Variants in PRL observed in about 807,000 individuals in gnomAD.
The protein encoded by PRL is decidual prolactin.
Under a neutral mutation model 21.3 loss-of-function variants are expected in PRL, and 24 were observed. The observed-to-expected ratio is 1.13, with a 90% CI of 0.82 to 1.59. PRL has a LOEUF of 1.59. Among genes scored for constraint, PRL ranks in the 40% most tolerant of loss-of-function variants. The probability of loss-of-function intolerance (pLI) is 0.00; values close to 1 mark genes in which losing one functional copy is unlikely to be tolerated. For synonymous variants in PRL, 118 were observed against 115.7 expected (o/e 1.02, Z -0.13); for missense variants, 243 against 286.9 (o/e 0.85, Z 1.10).
chr6:22,287,300 G>T lies in PRL; in HGVS notation c.*102C>A, dbSNP rs1581381889. ...GTTTTTATTTTTTAAGAGGAGACCT[G>T]TTACACCCAAGCATGGATTCAAAAG... is the stretch of plus-strand genomic sequence containing the variant. On this transcript the variant is annotated 3_prime_UTR_variant, in exon 5 of 5. Transcript: ENST00000306482. 1 of 1,216,924 alleles carries T rather than the reference G, an allele frequency of 8.2e-7. No individual in the cohort carries two copies. Among genetic ancestry groups the T allele is most frequent in the Non-Finnish European group, 1.1e-6 (1 of 901,700 alleles). 75.4% of individuals were successfully genotyped at this position (1,216,924 alleles called of 1,614,324 possible).
rs140653502 is a variant in PRL, at chr6:22,288,872, G to GTA, written c.493-1281_493-1280dup. The stretch of plus-strand genomic sequence containing the variant: ...ATTGGAATTTAAAGTGTGTGTGTGT[G>GTA]TATGCGCGTGCGCGTGTGTGTGCGT... On this transcript the variant is annotated intron_variant, in intron 4 of 4. Coordinates refer to ENST00000306482, the MANE Select transcript of PRL (RefSeq NM_000948.6). The surrounding 1 kb of genome is among the most constrained non-coding windows in gnomAD (Gnocchi z 4.5). 5.0e-3 allele frequency among the ~76,000 whole-genome samples: 759 copies of GTA among 152,112 alleles called. 6 individuals carry two copies. The highest frequency in any genetic ancestry group is 0.017 in the African/African-American group (724 of 41,482).
intron 3 of PRL, among the ~76,000 whole-genome samples, chr6:22,290,720 T>C (rs911469086): frequency 3.3e-5 from 5 of 152,314 alleles, no homozygotes; most frequent in Middle Eastern, 3.4e-3. Context: ...CGAAACTCAG[T>C]AGGTGCCCAG....
chr6:22,287,708 G>T, intron 4 of PRL, 115 bp from the exon 5 acceptor site: 1 of 961,168 alleles, frequency 1.0e-6, no homozygotes, highest in East Asian at 2.7e-5. Context: ...CAAAGTTTTA[G>T]ACAAAGGCAA....
chr6:22,289,352 G>T (rs1760999041), intron 4 of PRL, among the ~76,000 whole-genome samples: 1 of 151,982 alleles, frequency 6.6e-6, no homozygotes, highest in Non-Finnish European at 1.5e-5. Flanking sequence ...TCTTTAGATG[G>T]TACATTATCC....
rs1343321202 is a variant in PRL, at chr6:22,288,321, G to A, written c.493-728C>T. On this transcript the variant is annotated intron_variant, in intron 4 of 4. Coordinates refer to ENST00000306482, the MANE Select transcript of PRL (RefSeq NM_000948.6). The surrounding 1 kb of genome is among the most constrained non-coding windows in gnomAD (Gnocchi z 4.5). ...GGCAGAGGCAGGTGGATCACTTGAG[G>A]TCAGGAGTTCAAGACCAGCCTGGCC... Among the ~76,000 whole-genome samples the A allele has an allele frequency of 6.6e-6, 1 of 152,024 alleles. No homozygotes were observed. The highest frequency in any genetic ancestry group is 1.5e-5 in the Non-Finnish European group (1 of 68,026).
upstream of PRL, among the ~76,000 whole-genome samples, chr6:22,299,878 T>A (rs1047085481): frequency 2.0e-5 from 3 of 151,948 alleles, no homozygotes; most frequent in African/African-American, 7.3e-5. Context: ...ACCTAGGAGG[T>A]GTCTACTGCA....
chr6:22,302,777 G>T (rs1440126603), exon 1 of PRL, among the ~76,000 whole-genome samples: 1 of 152,042 alleles, frequency 6.6e-6, no homozygotes, highest in African/African-American at 2.4e-5. Flanking sequence ...TGTATGTTCC[G>T]ATTCTTCTTG....
chr6:22,301,809 A>AT (rs984823280), upstream of PRL, among the ~76,000 whole-genome samples: 4 of 152,042 alleles, frequency 2.6e-5, no homozygotes, highest in African/African-American at 9.7e-5. Flanking sequence ...CAAAGGGATG[A>AT]TTTTTTTAGG....
upstream of PRL, among the ~76,000 whole-genome samples, chr6:22,302,270 A>T (rs1005000755): frequency 7.2e-5 from 11 of 152,152 alleles, no homozygotes; most frequent in East Asian, 2.1e-3. Flanking sequence ...GAAAATACAC[A>T]TACGCACACA....
chr6:22,297,238 T>A (rs754662087), upstream of PRL: 16 of 515,838 alleles, frequency 3.1e-5, no homozygotes, highest in East Asian at 2.2e-4. Flanking sequence ...CTAGGAAGGA[T>A]TTTGATTAAT....
At position 22,296,975 on chromosome 6, in the gene PRL, A is replaced by T. The variant is rs761994436; in HGVS notation, c.8T>A (p.Ile3Asn). MN[I>N]KGSPWKGSLL... ...CATACCTTTCCATGGCGATCCTTTG[A>T]TGTTCATGTTCGTGATCGTTGCAGG... Residue 3 changes from isoleucine to asparagine, a missense_variant, in exon 1 of 5, where the codon ATC becomes AAC. Physicochemically the swap from Ile to Asn is moderately radical, Grantham distance 149 (BLOSUM62 -3). Coordinates refer to ENST00000306482, the MANE Select transcript of PRL (RefSeq NM_000948.6). The T allele has an allele frequency of 6.2e-7, 1 of 1,614,040 alleles. No individual in the cohort carries two copies. The highest frequency in any genetic ancestry group is 1.1e-5 in the South Asian group (1 of 91,040).
intron 1 of PRL, among the ~76,000 whole-genome samples, chr6:22,294,983 G>C (rs1016953071): frequency 6.6e-6 from 1 of 151,900 alleles, no homozygotes; most frequent in African/African-American, 2.4e-5. Context: ...TTTTAACTAG[G>C]TGTGTCTGAT....
At chr6:22,293,512 T>G (rs1761098128) in intron 2 of PRL, among the ~76,000 whole-genome samples, 2 of 151,568 alleles carry the variant, frequency 1.3e-5, no homozygotes, top group African/African-American at 4.9e-5. Flanking sequence ...CCTAGAAGAG[T>G]TAACCTATGA....
rs190472373 is a variant in PRL at position 22,295,741 on chromosome 6, T to C, written c.29-1157A>G. On this transcript the variant is annotated intron_variant, in intron 1 of 4. Coordinates refer to ENST00000306482, the MANE Select transcript of PRL (RefSeq NM_000948.6). Reference sequence around the variant, plus strand: ...AAATCACTTGTTAACTTCAGTGGCATTACCCCAAAAGAATGCCCAATATAA... The same window carrying C: ...AAATCACTTGTTAACTTCAGTGGCACTACCCCAAAAGAATGCCCAATATAA... 3.3e-3 allele frequency among the ~76,000 whole-genome samples: 497 copies of C among 152,190 alleles called. 2 individuals are homozygous for C. Among genetic ancestry groups the C allele is most frequent in the South Asian group, 9.7e-3 (47 of 4,826 alleles).
intron 2 of PRL, 119 bp downstream of exon 2, chr6:22,294,290 C>T: frequency 8.6e-7 from 1 of 1,157,920 alleles, no homozygotes; most frequent in African/African-American, 1.5e-5. Flanking sequence ...TCTTCTTTCA[C>T]ATGTTAAAAT....
intron 2 of PRL, 145 bp downstream of exon 2, chr6:22,294,264 A>G (rs1761125808): frequency 2.3e-6 from 2 of 860,140 alleles, no homozygotes; most frequent in African/African-American, 1.7e-5. Context: ...CTTGTTCCAC[A>G]TCTTATGAGC....
At chr6:22,294,729 C>T in intron 1 of PRL, 145 bp from the exon 2 acceptor site, 2 of 816,528 alleles carry the variant, frequency 2.4e-6, no homozygotes, top group Non-Finnish European at 1.9e-6. Context: ...GGGGGAAGAA[C>T]AAACGCCTTC....
At chr6:22,293,049 C>A (rs1484169799) in intron 2 of PRL, among the ~76,000 whole-genome samples, 1 of 152,184 alleles carries the variant, frequency 6.6e-6, no homozygotes, top group African/African-American at 2.4e-5. Context: ...TACATGTATT[C>A]ATTTAATCTC....
rs1760976390 is a variant in PRL at position 22,288,668 on chromosome 6, C to T, written c.493-1075G>A. Among the ~76,000 whole-genome samples, 1 of 152,172 alleles carries T rather than the reference C, an allele frequency of 6.6e-6. No homozygotes were observed. The highest frequency in any genetic ancestry group is 1.5e-5 in the Non-Finnish European group (1 of 68,034). On this transcript the variant is annotated intron_variant, in intron 4 of 4. Coordinates refer to ENST00000306482, the MANE Select transcript of PRL (RefSeq NM_000948.6). This position sits in a 1 kb window ranked among gnomAD's most constrained non-coding sequence, Gnocchi z 4.5. ...AGAGGGCATGCTATGTTTCTTCACA[C>T]TCTATAAGCCTTTGCAAACCAGGAA...
Sources: allele counts gnomAD v4.1 joint callset (sites outside exome capture counted in the v4.1 genomes callset), GRCh38; gene constraint gnomAD v4.1.1; non-coding constraint Gnocchi (gnomAD v3.1); transcripts MANE v1.5; gene names NCBI Gene and HGNC (gene_info 2026-07-23, HGNC 2026-07-21).